Variants in NAALADL2 observed in about 807,000 individuals in gnomAD.
NAALADL2 encodes N-acetylated alpha-linked acidic dipeptidase like 2, also known as inactive N-acetylated-alpha-linked acidic dipeptidase-like protein 2.
A neutral mutation model predicts 87.2 loss-of-function variants in NAALADL2; 76 were observed. That is an observed-to-expected ratio of 0.87 (90% CI 0.72 to 1.05). The LOEUF is 1.05. Among genes scored for constraint, NAALADL2 ranks in the 50% least tolerant of loss-of-function variants. NAALADL2 has a pLI of 0.00. For missense variants in NAALADL2, 1,089 were observed against 945.8 expected, an observed-to-expected ratio of 1.15 and a Z score of -1.99; for synonymous variants, 354 against 331.0, an observed-to-expected ratio of 1.07 and a Z score of -0.75.
At chr3:175,335,993 T>G (rs1011633743) in intron 5 of NAALADL2, among the ~76,000 whole-genome samples, 2 of 152,124 alleles carry the variant, frequency 1.3e-5, no homozygotes, top group African/African-American at 2.4e-5. Flanking sequence ...GCTCATTGAG[T>G]AATGAGCAGT....
intron 3 of NAALADL2, among the ~76,000 whole-genome samples, chr3:174,747,111 C>A (rs1734330675): frequency 6.6e-6 from 1 of 151,986 alleles, no homozygotes; most frequent in East Asian, 1.9e-4. Flanking sequence ...TTCTGCATAG[C>A]AAATGAAACT....
chr3:175,537,236 C>T (rs1262645394), intron 9 of NAALADL2, among the ~76,000 whole-genome samples: 1 of 152,132 alleles, frequency 6.6e-6, no homozygotes, highest in Non-Finnish European at 1.5e-5. Flanking sequence ...TTGAATACTG[C>T]CGCTTCTCAA....
intron 13 of NAALADL2, among the ~76,000 whole-genome samples, chr3:175,786,108 A>G (rs1225451393): frequency 1.3e-5 from 2 of 152,034 alleles, no homozygotes; most frequent in South Asian, 2.1e-4. Context: ...GGGTAACCCA[A>G]CCTTTCTCTC....
intron 2 of NAALADL2, among the ~76,000 whole-genome samples, chr3:175,225,540 TGTTA>T (rs1744030279): frequency 6.6e-6 from 1 of 152,136 alleles, no homozygotes; most frequent in Non-Finnish European, 1.5e-5. Flanking sequence ...AGGGAATCTT[TGTTA>T]GTGTTTAATA....
At chr3:175,159,161 G>A (rs1732753729) in intron 2 of NAALADL2, among the ~76,000 whole-genome samples, 1 of 152,122 alleles carries the variant, frequency 6.6e-6, no homozygotes, top group African/African-American at 2.4e-5. Flanking sequence ...AGATGAATGT[G>A]TTCTCAATTT....
intron 10 of NAALADL2, among the ~76,000 whole-genome samples, chr3:175,609,076 A>G (rs1034912619): frequency 6.6e-6 from 1 of 151,910 alleles, no homozygotes; most frequent in Non-Finnish European, 1.5e-5. Context: ...TTGGAGCAGC[A>G]GTGTATAATT....
At chr3:175,489,041 C>T (rs1261940816) in intron 9 of NAALADL2, among the ~76,000 whole-genome samples, 3 of 152,086 alleles carry the variant, frequency 2.0e-5, no homozygotes, top group Non-Finnish European at 2.9e-5. Context: ...AAAATAAAAA[C>T]TGCTATTGAG....
chr3:175,723,360 C>T (rs1214142816), intron 11 of NAALADL2, among the ~76,000 whole-genome samples: 1 of 152,108 alleles, frequency 6.6e-6, no homozygotes, highest in Non-Finnish European at 1.5e-5. Context: ...TAAACCCTTA[C>T]AGACGAGGAA....
At chr3:175,510,091 T>A (rs1411218312) in intron 9 of NAALADL2, among the ~76,000 whole-genome samples, 1 of 148,304 alleles carries the variant, frequency 6.7e-6, no homozygotes, top group Non-Finnish European at 1.5e-5. Flanking sequence ...TGAGTGAGAA[T>A]ATGCGGTGTT....
intron 11 of NAALADL2, among the ~76,000 whole-genome samples, chr3:175,682,136 A>G (rs1735679843): frequency 6.6e-6 from 1 of 152,118 alleles, no homozygotes. Flanking sequence ...AGAGAAAAAT[A>G]AAACAAAATC....
chr3:175,563,446 T>A (rs900232516), intron 9 of NAALADL2, among the ~76,000 whole-genome samples: 1 of 152,156 alleles, frequency 6.6e-6, no homozygotes, highest in Admixed American at 6.5e-5. Flanking sequence ...CTACCTGAGG[T>A]CAACTTCAAA....
Position 174,565,419 on chromosome 3 carries a change from A to C in NAALADL2, c.-115+14782A>C, listed in dbSNP as rs1263221073. Reference sequence around the variant, plus strand: ...TCTAGAACATCATGTAGTTGAAATCATCGGAATGTAGCCTTTTAAGATTGT... The same window carrying C: ...TCTAGAACATCATGTAGTTGAAATCCTCGGAATGTAGCCTTTTAAGATTGT... On this transcript the variant is annotated intron_variant, in intron 2 of 3. Transcript: ENST00000434257. 3.3e-5 allele frequency among the ~76,000 whole-genome samples: 5 copies of C among 152,164 alleles called. No individual in the cohort carries two copies. The South Asian group carries it at 1.0e-3, about 32-fold the overall frequency.
intron 2 of NAALADL2, among the ~76,000 whole-genome samples, chr3:175,155,385 C>A (rs1023367260): frequency 6.6e-6 from 1 of 152,046 alleles, no homozygotes; most frequent in South Asian, 2.1e-4. Context: ...AAGTTGGCAC[C>A]GGTCCTGTCA....
chr3:175,596,414 ACT>A (rs1722251570), intron 10 of NAALADL2, among the ~76,000 whole-genome samples: 2 of 151,918 alleles, frequency 1.3e-5, no homozygotes, highest in Non-Finnish European at 2.9e-5. Flanking sequence ...GCAACCATAG[ACT>A]CTCACAGAAG....
chr3:175,226,675 A>G (rs1457032372), intron 2 of NAALADL2, among the ~76,000 whole-genome samples: 1 of 152,122 alleles, frequency 6.6e-6, no homozygotes, highest in Admixed American at 6.6e-5. Flanking sequence ...GACATTTAAT[A>G]TAAAATTTGT....
At chr3:174,527,676 A>G (rs1450653474) in intron 1 of NAALADL2, among the ~76,000 whole-genome samples, 1 of 152,164 alleles carries the variant, frequency 6.6e-6, no homozygotes, top group Non-Finnish European at 1.5e-5. Context: ...TAGTTGGGAA[A>G]GTCTAAAGAA....
At chr3:175,005,253 C>T (rs149099179) in intron 1 of NAALADL2, among the ~76,000 whole-genome samples, 239 of 152,218 alleles carry the variant, frequency 1.6e-3, no homozygotes, top group African/African-American at 5.6e-3. Context: ...AGGTTAATAA[C>T]TTATTCAAGG....
intron 2 of NAALADL2, among the ~76,000 whole-genome samples, chr3:174,682,436 A>ACAGGCCTTG (rs1463569959): frequency 2.0e-5 from 3 of 152,186 alleles, no homozygotes; most frequent in African/African-American, 4.8e-5. Flanking sequence ...AGTGGTTACC[A>ACAGGCCTTG]CAGGCCTTGG....
intron 2 of NAALADL2, among the ~76,000 whole-genome samples, chr3:174,648,393 A>C (rs1724022091): frequency 6.6e-6 from 1 of 151,990 alleles, no homozygotes; most frequent in African/African-American, 2.4e-5. Context: ...GAGAAAACTT[A>C]GTAGATATAG....
Sources: allele counts gnomAD v4.1 joint callset (sites outside exome capture counted in the v4.1 genomes callset), GRCh38; gene constraint gnomAD v4.1.1; transcripts MANE v1.5; gene names NCBI Gene and HGNC (gene_info 2026-07-23, HGNC 2026-07-21).